UNC79: variants seen among roughly 807,000 people sequenced by gnomAD.
UNC79 encodes the protein protein unc-79 homolog.
UNC79 carries 37 observed loss-of-function variants against 283.1 expected under a neutral mutation model. That is an observed-to-expected ratio of 0.13 (90% CI 0.10 to 0.17). UNC79 has a LOEUF of 0.17. UNC79 is among the 10% of genes least tolerant of loss of function. The pLI, the probability that UNC79 is intolerant of heterozygous loss-of-function variation, is 1.00. For missense variants in UNC79, 2,272 were observed against 3,211.1 expected (o/e 0.71, Z 7.07); for synonymous variants, 1,107 against 1,200.2 (o/e 0.92, Z 1.61).
At chr14:93,707,719 T>C (rs924229565), downstream of UNC79, 1 of 152,238 alleles carries the variant, frequency 6.6e-6, no homozygotes, top group Admixed American at 6.5e-5. Context: ...ATTTTAATAG[T>C]GTAAGAGCAC....
At chr14:93,626,113 A>C (rs2067551534) in intron 30 of UNC79, among the ~76,000 whole-genome samples, 1 of 152,212 alleles carries the variant, frequency 6.6e-6, no homozygotes, top group Non-Finnish European at 1.5e-5. Context: ...CATGAACCTC[A>C]ACTGGGTCCT....
intron 5 of UNC79, among the ~76,000 whole-genome samples, chr14:93,490,411 C>T (rs2058666699): frequency 6.6e-6 from 1 of 152,260 alleles, no homozygotes; most frequent in African/African-American, 2.4e-5. Context: ...TTGGATCATT[C>T]TCTCTCCCCA....
intron 1 of UNC79, among the ~76,000 whole-genome samples, chr14:93,387,279 T>C (rs114157048): frequency 0.014 from 2,124 of 152,246 alleles, 62 homozygotes; most frequent in African/African-American, 0.049. Context: ...CTTCTATTAA[T>C]TTTTGGTTTG....
chr14:93,414,904 C>A (rs1488391460), intron 1 of UNC79, among the ~76,000 whole-genome samples: 1 of 152,140 alleles, frequency 6.6e-6, no homozygotes, highest in African/African-American at 2.4e-5. Context: ...TGCTTATCAG[C>A]TTAAGGAGAT....
chr14:93,703,138 G>T (rs1050329224), intron 47 of UNC79, among the ~76,000 whole-genome samples: 1 of 152,124 alleles, frequency 6.6e-6, no homozygotes, highest in Non-Finnish European at 1.5e-5. Context: ...TCAGCATCAC[G>T]TGACTGTCTC....
At chr14:93,625,817 C>T (rs916616035) in intron 30 of UNC79, among the ~76,000 whole-genome samples, 4 of 152,194 alleles carry the variant, frequency 2.6e-5, no homozygotes, top group African/African-American at 7.2e-5. Context: ...TCCAGCTTTC[C>T]CTCTACCAGT....
rs1416093961 is a variant in UNC79 at position 93,665,614 on chromosome 14, AGT to A, written c.6636+2901_6636+2902del. Among the ~76,000 whole-genome samples the A allele has an allele frequency of 1.2e-4, 19 of 152,156 alleles. No individual in the cohort carries two copies. The East Asian group carries it at 3.3e-3, about 26-fold the overall frequency. On this transcript the variant is annotated intron_variant, in intron 40 of 48. Coordinates refer to ENST00000555664, the Ensembl canonical transcript of UNC79. ...ATGAGTAGGTATAACTTGTCAAAAC[AGT>A]CAAGACAAAGAAAATATTTTCAGAA...
In UNC79 at chr14:93,474,536, T is replaced by C; in HGVS notation, c.448+143T>C. The C allele has an allele frequency of 1.1e-6, 1 of 919,586 alleles. No individual in the cohort carries two copies. The highest frequency in any genetic ancestry group is 1.6e-6 in the Non-Finnish European group (1 of 629,882). The allele number at this position is 919,586 out of a possible 1,614,324, so 57.0% of individuals were successfully genotyped here. On this transcript the variant is annotated intron_variant, in intron 3 of 48. Coordinates refer to ENST00000555664, the Ensembl canonical transcript of UNC79. The surrounding 1 kb of genome is among the most constrained non-coding windows in gnomAD (Gnocchi z 4.1). ...GTGGCTAGAAGCACTACACTGAAAC[T>C]TCATTATGGTGCTTCCCATACTATT...
At chr14:93,412,765 A>G (rs1163574214) in intron 1 of UNC79, among the ~76,000 whole-genome samples, 4 of 152,068 alleles carry the variant, frequency 2.6e-5, no homozygotes, top group East Asian at 3.9e-4. Flanking sequence ...GGAAAAATAC[A>G]TATATCCTAG....
exon 34 of UNC79, chr14:93,643,646 G>T: frequency 1.2e-6 from 2 of 1,613,292 alleles, no homozygotes; most frequent in Non-Finnish European, 1.7e-6. Flanking sequence ...ATTCACTTAA[G>T]CCCAGACCTG....
chr14:93,534,538 A>G lies in UNC79; in HGVS notation c.1122+1960A>G, dbSNP rs1350797072. Among the ~76,000 whole-genome samples, 6 of 152,204 alleles carry G rather than the reference A, an allele frequency of 3.9e-5. No individual in the cohort carries two copies. In the East Asian group the frequency reaches 1.2e-3, roughly 29 times the overall value. ...GTCCTTCCTATATTTTGGGCGTTTC[A>G]GTGTGCCCTTAAAATTATTAGAAGC... On this transcript the variant is annotated intron_variant, in intron 11 of 48. Transcript: ENST00000555664.
intron 1 of UNC79, among the ~76,000 whole-genome samples, chr14:93,450,523 G>A (rs1208202340): frequency 6.6e-6 from 1 of 152,012 alleles, no homozygotes; most frequent in Non-Finnish European, 1.5e-5. Flanking sequence ...GTCTAAATAC[G>A]CCTTTATTTT....
At chr14:93,343,867 G>A (rs2053767160) in intron 1 of UNC79, among the ~76,000 whole-genome samples, 1 of 152,116 alleles carries the variant, frequency 6.6e-6, no homozygotes. Flanking sequence ...CTTGCATTGT[G>A]GGTCACTGAG....
At chr14:93,353,039 T>C (rs1202570764) in intron 1 of UNC79, among the ~76,000 whole-genome samples, 1 of 152,208 alleles carries the variant, frequency 6.6e-6, no homozygotes, top group Non-Finnish European at 1.5e-5. Flanking sequence ...TAATGTCATA[T>C]GTGATGTCAG....
chr14:93,571,769 G>T (rs1288998421), intron 14 of UNC79, 125 bp from the exon 15 acceptor site: 1 of 902,916 alleles, frequency 1.1e-6, no homozygotes, highest in African/African-American at 1.7e-5. Context: ...GAAGATTCTT[G>T]GCCTAGGACT....
intron 28 of UNC79, 46 bp from the exon 30 acceptor site, chr14:93,618,146 C>T (rs746885165): frequency 1.2e-5 from 19 of 1,570,284 alleles, no homozygotes; most frequent in South Asian, 8.4e-5. Flanking sequence ...AAAGCTTACC[C>T]TCTAAAATAA....
At chr14:93,661,395 C>T (rs1397445079) in intron 39 of UNC79, among the ~76,000 whole-genome samples, 1 of 152,136 alleles carries the variant, frequency 6.6e-6, no homozygotes, top group East Asian at 1.9e-4. Context: ...CCTCATGTGT[C>T]CTTTCCTACA....
chr14:93,658,173 C>T (rs1182759575), intron 38 of UNC79, among the ~76,000 whole-genome samples: 1 of 152,242 alleles, frequency 6.6e-6, no homozygotes, highest in South Asian at 2.1e-4. Flanking sequence ...CCCTGATCAT[C>T]TTCTGCCTTT....
chr14:93,616,729 G>A (rs1341050560), intron 27 of UNC79, among the ~76,000 whole-genome samples: 2 of 152,020 alleles, frequency 1.3e-5, no homozygotes, highest in East Asian at 1.9e-4. Context: ...ATCAAGTTTG[G>A]TTGGTATAAT....
Sources: gnomAD v4.1 joint callset for allele counts (sites outside exome capture counted in the v4.1 genomes callset) on GRCh38, gnomAD v4.1.1 for gene constraint, Gnocchi (gnomAD v3.1) non-coding constraint, MANE v1.5 for transcripts, NCBI Gene and HGNC (gene_info 2026-07-23, HGNC 2026-07-21) for gene names.